DBF4B: variants seen among roughly 807,000 people sequenced by gnomAD.
DBF4B encodes DBF4B-CDC7 kinase regulatory subunit.
In DBF4B, 49 loss-of-function variants were observed where a neutral mutation model predicts 53.4. That is an observed-to-expected ratio of 0.92 (90% CI 0.73 to 1.16). The LOEUF (loss-of-function observed/expected upper bound fraction) is 1.16, where lower values mean the gene tolerates loss of function less well. Ranked by LOEUF, DBF4B falls within the 50% of genes most tolerant of loss-of-function variation. DBF4B has a pLI of 0.00. For missense variants in DBF4B, 692 were observed against 775.0 expected, an observed-to-expected ratio of 0.89 and a Z score of 1.27; for synonymous variants, 257 against 288.7, an observed-to-expected ratio of 0.89 and a Z score of 1.11.
chr17:44,715,099 TC>T (rs1229508193), intron 2 of DBF4B, among the ~76,000 whole-genome samples: 2 of 152,182 alleles, frequency 1.3e-5, no homozygotes, highest in Non-Finnish European at 2.9e-5. Context: ...TAGCATTATT[TC>T]TATAATATTT....
In DBF4B at chr17:44,747,460, A is replaced by G; in HGVS notation, c.1009A>G (p.Ile337Val). The G allele has an allele frequency of 3.7e-6, 6 of 1,614,140 alleles. No homozygotes were observed. The highest frequency in any genetic ancestry group is 5.1e-6 in the Non-Finnish European group (6 of 1,180,030). Reference protein sequence around the residue: ...AHLYAEVDRIIAQLSHSFADI... With the variant: ...AHLYAEVDRIVAQLSHSFADI... Reference sequence around the variant, plus strand: ...TCTATATGCAGAAGTGGACAGGATCATTGCTCAGCTCAGCCACAGCTTTGC... The same window carrying G: ...TCTATATGCAGAAGTGGACAGGATCGTTGCTCAGCTCAGCCACAGCTTTGC... The change falls in exon 12 of 14, where the codon ATT becomes GTT. Residue 337 changes from isoleucine to valine, a missense_variant. Around this residue, in one of 3 missense-constraint regions of DBF4B, gnomAD observed 597 missense variants for 665.8 expected, o/e 0.90. Transcript: ENST00000315005.
intron 3 of DBF4B, among the ~76,000 whole-genome samples, chr17:44,726,426 G>A (rs1416085006): frequency 1.3e-5 from 2 of 150,820 alleles, no homozygotes; most frequent in Admixed American, 6.7e-5. Context: ...ATGATCATGA[G>A]TACTTTTTTT....
At chr17:44,715,885 C>G (rs1280426007) in intron 2 of DBF4B, among the ~76,000 whole-genome samples, 1 of 127,634 alleles carries the variant, frequency 7.8e-6, no homozygotes, top group East Asian at 2.3e-4. Context: ...TGCAATGGCG[C>G]GATCTCAGCT....
intron 10 of DBF4B, among the ~76,000 whole-genome samples, chr17:44,742,692 C>T (rs1263087617): frequency 1.3e-5 from 2 of 152,134 alleles, no homozygotes; most frequent in African/African-American, 4.8e-5. Context: ...AAAGTTTAAA[C>T]TGGTTGGGCC....
Position 44,749,650 on chromosome 17 carries a change from C to T in DBF4B, c.1190-945C>T. ...CAGGCAGAGTCTACAGTGGGCTTGC[C>T]CAGCTGAGGCTGGCCGCCCACGCCA... is the stretch of plus-strand genomic sequence containing the variant. On this transcript the variant is annotated intron_variant, in intron 13 of 13. Coordinates refer to ENST00000315005, the MANE Select transcript of DBF4B (RefSeq NM_145663.3). This position sits in a 1 kb window ranked among gnomAD's most constrained non-coding sequence, Gnocchi z 4.4. 3 of 1,170,692 alleles carry T rather than the reference C, an allele frequency of 2.6e-6. No homozygotes were observed. Among genetic ancestry groups the T allele is most frequent in the Non-Finnish European group, 3.2e-6 (3 of 931,280 alleles). 72.5% of individuals were successfully genotyped at this position (1,170,692 alleles called of 1,614,324 possible).
chr17:44,730,855 T>A, intron 4 of DBF4B, 110 bp from the exon 5 acceptor site: 6 of 1,108,736 alleles, frequency 5.4e-6, no homozygotes, highest in Non-Finnish European at 1.3e-6. Flanking sequence ...GCTCCCAGCT[T>A]TCCGAGGGAC....
intron 2 of DBF4B, among the ~76,000 whole-genome samples, chr17:44,712,954 C>A (rs889962124): frequency 6.6e-6 from 1 of 151,806 alleles, no homozygotes; most frequent in Admixed American, 6.6e-5. Context: ...GCACCACACA[C>A]AAACGCACAT....
intron 10 of DBF4B, 58 bp from the exon 11 acceptor site, chr17:44,747,025 C>A: frequency 6.6e-7 from 1 of 1,510,270 alleles, no homozygotes; most frequent in Non-Finnish European, 9.2e-7. Context: ...TAAGTAGTGG[C>A]TCCTCCCCCC....
Position 44,723,059 on chromosome 17 carries a change from C to T in DBF4B, c.225+37C>T, listed in dbSNP as rs374851852. On this transcript the variant is annotated intron_variant, in intron 3 of 13. Coordinates refer to ENST00000315005, the MANE Select transcript of DBF4B (RefSeq NM_145663.3). ...GCTCTTCTCCTGCGATGCCATGTGC[C>T]TTTGCAGGCTTAGAGCAGGAGTTGG... is the stretch of plus-strand genomic sequence containing the variant. The T allele has an allele frequency of 1.2e-3, 1,890 of 1,611,336 alleles. 3 individuals are homozygous for T. The highest frequency in any genetic ancestry group is 1.5e-3 in the Non-Finnish European group (1,793 of 1,178,966).
rs538618721 is a variant in DBF4B at position 44,751,930 on chromosome 17, G to A, written c.*677G>A. 282 of 1,535,666 alleles carry A rather than the reference G, an allele frequency of 1.8e-4. 7 individuals are homozygous for A. The South Asian group carries it at 2.8e-3, about 15-fold the overall frequency. On this transcript the variant is annotated 3_prime_UTR_variant, in exon 14 of 14. Coordinates refer to ENST00000315005, the MANE Select transcript of DBF4B (RefSeq NM_145663.3). ...CTCACCATTGCCCATTCCCTCGTTCGTTCATTCAGCACAGGCCTTGCCGTC... is the reference window on the plus strand; with the variant it reads ...CTCACCATTGCCCATTCCCTCGTTCATTCATTCAGCACAGGCCTTGCCGTC...
In DBF4B at chr17:44,742,476, A is replaced by T. The variant is rs1239045890; in HGVS notation, c.830+1024A>T. ...AGTGCCTGTAGTCCCACTTACTCAG[A>T]TGGCTAAGGCAGGACAATCATTTGA... On this transcript the variant is annotated intron_variant, in intron 10 of 13. Transcript: ENST00000315005. Among the ~76,000 whole-genome samples the T allele has an allele frequency of 2.0e-5, 3 of 151,822 alleles. No individual in the cohort carries two copies. In the East Asian group the frequency reaches 5.8e-4, roughly 29 times the overall value.
At chr17:44,731,829 T>A (rs1173939799) in intron 5 of DBF4B, 1 of 213,168 alleles carries the variant, frequency 4.7e-6, no homozygotes, top group Non-Finnish European at 9.4e-6. Flanking sequence ...AGGATGATGG[T>A]CACCGTGTTT....
chr17:44,742,769 G>A (rs1047359073), intron 10 of DBF4B, among the ~76,000 whole-genome samples: 1 of 152,180 alleles, frequency 6.6e-6, no homozygotes, highest in East Asian at 1.9e-4. Flanking sequence ...CTCATGGCTT[G>A]TGGGCTTGTT....
chr17:44,744,984 A>T (rs1032978620), intron 10 of DBF4B, among the ~76,000 whole-genome samples: 5 of 152,014 alleles, frequency 3.3e-5, no homozygotes, highest in African/African-American at 1.2e-4. Context: ...TATTAGTTGT[A>T]AATATTTTCT....
intron 7 of DBF4B, 53 bp from the exon 8 acceptor site, chr17:44,736,777 C>G: frequency 6.2e-7 from 1 of 1,608,838 alleles, no homozygotes; most frequent in Non-Finnish European, 8.5e-7. Flanking sequence ...GGCCCAGTTC[C>G]TTGACCCCCG....
chr17:44,729,884 A>C, intron 3 of DBF4B, 21 bp from the exon 4 acceptor site: 1 of 1,603,138 alleles, frequency 6.2e-7, no homozygotes, highest in Non-Finnish European at 8.5e-7. Context: ...GTTTTCAGCC[A>C]CCTCTGTGAT....
intron 6 of DBF4B, 141 bp from the exon 7 acceptor site, chr17:44,733,949 G>A (rs755385575): frequency 2.9e-4 from 198 of 674,636 alleles, no homozygotes; most frequent in Non-Finnish European, 4.5e-4. Context: ...CAGAGGGGAT[G>A]TGTAGCCAGA....
chr17:44,734,479 T>C (rs1229073470), intron 7 of DBF4B, among the ~76,000 whole-genome samples: 1 of 152,252 alleles, frequency 6.6e-6, no homozygotes, highest in Admixed American at 6.5e-5. Context: ...CCCATGGCAC[T>C]GACCAGGCTG....
chr17:44,742,883 C>T (rs926508135), intron 10 of DBF4B, among the ~76,000 whole-genome samples: 1 of 152,186 alleles, frequency 6.6e-6, no homozygotes, highest in African/African-American at 2.4e-5. Flanking sequence ...CAGACCCTTT[C>T]TAACCTCTGG....
Sources: gnomAD v4.1 joint callset for allele counts (sites outside exome capture counted in the v4.1 genomes callset) on GRCh38, gnomAD v4.1.1 for gene constraint, gnomAD v4.1.1 regional missense constraint, Gnocchi (gnomAD v3.1) non-coding constraint, MANE v1.5 for transcripts, NCBI Gene and HGNC (gene_info 2026-07-23, HGNC 2026-07-21) for gene names.